NAA11: variants seen among roughly 807,000 people sequenced by gnomAD.
NAA11 encodes the protein N-alpha-acetyltransferase 11.
In NAA11, 15 loss-of-function variants were observed where a neutral mutation model predicts 16.1. The ratio of observed to expected loss-of-function variants is 0.93; its 90% CI spans 0.62 to 1.44. The LOEUF (loss-of-function observed/expected upper bound fraction) is 1.44. Among genes scored for constraint, NAA11 ranks in the 40% most tolerant of loss-of-function variants. The probability of loss-of-function intolerance (pLI) is 0.00; values close to 1 mark genes in which losing one functional copy is unlikely to be tolerated. For synonymous variants in NAA11, 122 were observed against 112.4 expected (o/e 1.09, Z -0.54); for missense variants, 298 against 291.3 (o/e 1.02, Z -0.17).
At chr4:79,221,030 T>A (rs1721178653), downstream of NAA11, among the ~76,000 whole-genome samples, 1 of 151,932 alleles carries the variant, frequency 6.6e-6, no homozygotes, top group Non-Finnish European at 1.5e-5. Flanking sequence ...TCCATTTGTT[T>A]GTATCCTCTT....
chr4:79,193,055 G>A, the NAA11 span, among the ~76,000 whole-genome samples: 4 of 151,754 alleles, frequency 2.6e-5, no homozygotes, highest in Admixed American at 6.6e-5. Context: ...CATATCCTTT[G>A]CCCACTTTTT....
At chr4:79,310,432 G>C (rs1723736575) in intron 1 of NAA11, among the ~76,000 whole-genome samples, 2 of 152,142 alleles carry the variant, frequency 1.3e-5, no homozygotes, top group South Asian at 4.1e-4. Context: ...CTATTTTGTG[G>C]ATGTGGAAAT....
chr4:79,183,108 G>A, the NAA11 span, among the ~76,000 whole-genome samples: 15 of 152,174 alleles, frequency 9.9e-5, no homozygotes, highest in East Asian at 7.7e-4. Context: ...AAGCAACTGC[G>A]TAGATCCTAG....
At chr4:79,251,977 G>A (rs1381054667) in intron 2 of NAA11, among the ~76,000 whole-genome samples, 1 of 149,780 alleles carries the variant, frequency 6.7e-6, no homozygotes, top group African/African-American at 2.4e-5. Context: ...TGAAGAAAAT[G>A]CGGTATATAT....
the NAA11 span, among the ~76,000 whole-genome samples, chr4:79,172,883 A>G: frequency 6.6e-6 from 1 of 152,152 alleles, no homozygotes; most frequent in South Asian, 2.1e-4. Flanking sequence ...AATCTTGCTC[A>G]ACTGTTATTT....
intron 2 of NAA11, chr4:79,227,603 G>C (rs140845365): frequency 9.9e-5 from 15 of 152,110 alleles, no homozygotes; most frequent in African/African-American, 3.6e-4. Flanking sequence ...TTTCACTTTG[G>C]TTACATTTAT....
chr4:79,173,457 A>G, the NAA11 span, among the ~76,000 whole-genome samples: 1 of 152,148 alleles, frequency 6.6e-6, no homozygotes, highest in African/African-American at 2.4e-5. Flanking sequence ...CTTGTTTACC[A>G]TCTCATCTCA....
At chr4:79,225,897 A>G (rs1156355860) in exon 3 of NAA11, 2 of 152,088 alleles carry the variant, frequency 1.3e-5, no homozygotes, top group Non-Finnish European at 2.9e-5. Flanking sequence ...GTCTTATAGC[A>G]TCTTATAAAA....
intron 2 of NAA11, among the ~76,000 whole-genome samples, chr4:79,265,899 T>C (rs6822761): frequency 0.6 from 91,589 of 151,988 alleles, 29,022 homozygotes; most frequent in African/African-American, 0.8. Flanking sequence ...ACTTTACATC[T>C]GCTTATTAAA....
chr4:79,248,999 C>T (rs543437316), intron 2 of NAA11, among the ~76,000 whole-genome samples: 2 of 152,198 alleles, frequency 1.3e-5, no homozygotes, highest in African/African-American at 2.4e-5. Context: ...GAGCCCCCCC[C>T]CAGTGCAGCA....
At chr4:79,163,539 A>G in the NAA11 span, among the ~76,000 whole-genome samples, 1 of 152,210 alleles carries the variant, frequency 6.6e-6, no homozygotes, top group Non-Finnish European at 1.5e-5. Context: ...ATTATACTAG[A>G]GGTGTCTGCT....
At chr4:79,217,601 C>T in the NAA11 span, among the ~76,000 whole-genome samples, 1 of 151,896 alleles carries the variant, frequency 6.6e-6, no homozygotes, top group African/African-American at 2.4e-5. Context: ...TTGGGAAGAT[C>T]AAAGGAAAAA....
intron 1 of NAA11, among the ~76,000 whole-genome samples, chr4:79,319,186 C>T (rs1014169660): frequency 6.6e-6 from 1 of 152,290 alleles, no homozygotes. Flanking sequence ...CCTTGGCCTC[C>T]TAAAGTGCTG....
the NAA11 span, among the ~76,000 whole-genome samples, chr4:79,192,804 C>A: frequency 2.0e-5 from 3 of 149,892 alleles, no homozygotes; most frequent in African/African-American, 7.3e-5. Context: ...AATCGCCACA[C>A]TGACTTCCAC....
At chr4:79,202,694 C>A in the NAA11 span, among the ~76,000 whole-genome samples, 2 of 125,142 alleles carry the variant, frequency 1.6e-5, no homozygotes, top group African/African-American at 5.5e-5. Flanking sequence ...GTAACTGAAC[C>A]TGACCTGATT....
At chr4:79,187,771 C>A in the NAA11 span, among the ~76,000 whole-genome samples, 1 of 151,398 alleles carries the variant, frequency 6.6e-6, no homozygotes, top group Non-Finnish European at 1.5e-5. Context: ...CCGAGGCGGG[C>A]TGATCACGAG....
chr4:79,325,952 T>G lies in NAA11; in HGVS notation c.-75A>C. 1.5e-6 allele frequency: 2 copies of G among 1,360,696 alleles called. No individual in the cohort carries two copies. The highest frequency in any genetic ancestry group is 2.0e-6 in the Non-Finnish European group (2 of 994,118). 84.3% of individuals were successfully genotyped at this position (1,360,696 alleles called of 1,614,324 possible). ...CTGTCGCCGACCTTAAGGGGCACTG[T>G]TTGCCTCAGGAATCGAGTCCAGGGG... On this transcript the variant is annotated 5_prime_UTR_variant, in exon 1 of 2. Coordinates refer to ENST00000286794, the MANE Select transcript of NAA11 (RefSeq NM_032693.3).
At chr4:79,324,150 T>C (rs1459883248) in intron 1 of NAA11, among the ~76,000 whole-genome samples, 1 of 152,174 alleles carries the variant, frequency 6.6e-6, no homozygotes, top group African/African-American at 2.4e-5. Context: ...CTTATTTCAT[T>C]TTCCCTCTTT....
the NAA11 span, among the ~76,000 whole-genome samples, chr4:79,191,229 C>T: frequency 2.6e-5 from 4 of 152,052 alleles, no homozygotes; most frequent in South Asian, 6.2e-4. Flanking sequence ...CTGTTTTTAG[C>T]TCAGTGAGGA....
Sources: gnomAD v4.1 joint callset for allele counts (sites outside exome capture counted in the v4.1 genomes callset) on GRCh38, gnomAD v4.1.1 for gene constraint, MANE v1.5 for transcripts, NCBI Gene and HGNC (gene_info 2026-07-23, HGNC 2026-07-21) for gene names.